The following ARMC9 variants were observed in gnomAD, a reference collection of about 807,000 sequenced individuals.
The protein encoded by ARMC9 is lisH domain-containing protein ARMC9.
Under a neutral mutation model 107.0 loss-of-function variants are expected in ARMC9, and 94 were observed. That is an observed-to-expected ratio of 0.88 (90% CI 0.74 to 1.04). The LOEUF (loss-of-function observed/expected upper bound fraction) is 1.04, where lower values mean the gene tolerates loss of function less well. Among genes scored for constraint, ARMC9 ranks in the 50% least tolerant of loss-of-function variants. The pLI, the probability that ARMC9 is intolerant of heterozygous loss-of-function variation, is 0.00. For synonymous variants in ARMC9, 380 were observed against 396.9 expected (o/e 0.96, Z 0.51); for missense variants, 942 against 1,030.1 (o/e 0.91, Z 1.17).
intron 20 of ARMC9, among the ~76,000 whole-genome samples, chr2:231,340,699 C>T (rs2044443093): frequency 6.6e-6 from 1 of 152,030 alleles, no homozygotes; most frequent in African/African-American, 2.4e-5. Context: ...CCAGCCTGGC[C>T]AGCATAGTGA....
chr2:231,241,237 G>A (rs1265404844), intron 9 of ARMC9, among the ~76,000 whole-genome samples: 1 of 151,616 alleles, frequency 6.6e-6, no homozygotes, highest in Non-Finnish European at 1.5e-5. Flanking sequence ...CTCCTTTTGT[G>A]TTTGATATTT....
intron 9 of ARMC9, among the ~76,000 whole-genome samples, chr2:231,247,316 G>C (rs936454346): frequency 2.6e-5 from 4 of 152,298 alleles, no homozygotes; most frequent in South Asian, 4.1e-4. Context: ...AGCATTAAAT[G>C]TAAAAAGACC....
intron 2 of ARMC9, among the ~76,000 whole-genome samples, 167 bp from the exon 3 acceptor site, chr2:231,207,944 ATTAGGTCTCTGTGGTT>A (rs1254727286): frequency 6.6e-6 from 1 of 152,096 alleles, no homozygotes; most frequent in African/African-American, 2.4e-5. Context: ...GTGTGAGGTA[ATTAGGTCTCTGTGGTT>A]TTGATTTGCA....
intron 19 of ARMC9, among the ~76,000 whole-genome samples, chr2:231,321,145 T>C (rs1559458437): frequency 1.3e-5 from 2 of 152,246 alleles, no homozygotes; most frequent in African/African-American, 4.8e-5. Context: ...AAACAATCCA[T>C]GTCAAGTGCC....
At chr2:231,270,897 A>C in intron 12 of ARMC9, 85 bp from the exon 13 acceptor site, 59 of 1,106,186 alleles carry the variant, frequency 5.3e-5, no homozygotes, top group Non-Finnish European at 6.9e-5. Context: ...AGGCAGAGGA[A>C]GAGAACTACC....
In ARMC9 at chr2:231,373,190, C is replaced by A. The variant is rs2046092782; in HGVS notation, c.*1655C>A. 6.6e-6 allele frequency: 1 copy of A among 152,262 alleles called. No homozygotes were observed. Among genetic ancestry groups the A allele is most frequent in the Non-Finnish European group, 1.5e-5 (1 of 68,082 alleles). 9.4% of individuals were successfully genotyped at this position (152,262 alleles called of 1,614,324 possible). ...GACCCGGAGGCATTGGGAGCAAACA[C>A]AAAGCTCGCCCCTGGTGTCAGTGGT... is the stretch of plus-strand genomic sequence containing the variant. On this transcript the variant is annotated 3_prime_UTR_variant, in exon 25 of 25. Transcript: ENST00000611582. This position sits in a 1 kb window ranked among gnomAD's most constrained non-coding sequence, Gnocchi z 4.4.
chr2:231,226,252 A>C (rs894232907), intron 6 of ARMC9, among the ~76,000 whole-genome samples: 3 of 152,260 alleles, frequency 2.0e-5, no homozygotes, highest in Non-Finnish European at 2.9e-5. Flanking sequence ...AGGGAAAAGA[A>C]ACATGTTAAG....
chr2:231,282,058 G>T lies in ARMC9; in HGVS notation c.1552-1G>T, dbSNP rs764213933. The stretch of plus-strand genomic sequence containing the variant: ...AACTGGTTTTTTTCCTCCCCTTAAA[G>T]ATACAGCCGTATGTGAATGGAGCTC... On this transcript the variant is annotated splice_acceptor_variant, in intron 16 of 24. Coordinates refer to ENST00000611582, the MANE Select transcript of ARMC9 (RefSeq NM_001352754.2). LOFTEE classifies it high-confidence loss of function. 5.0e-6 allele frequency: 8 copies of T among 1,613,916 alleles called. No homozygotes were observed. Among genetic ancestry groups the T allele is most frequent in the African/African-American group, 1.3e-5 (1 of 74,904 alleles).
chr2:231,200,981 G>A (rs1030748416), intron 1 of ARMC9, among the ~76,000 whole-genome samples: 1 of 152,180 alleles, frequency 6.6e-6, no homozygotes, highest in Non-Finnish European at 1.5e-5. Flanking sequence ...TCAACCACAG[G>A]CTTAGGATCC....
At chr2:231,273,410 C>T (rs935702306) in intron 14 of ARMC9, among the ~76,000 whole-genome samples, 1 of 152,204 alleles carries the variant, frequency 6.6e-6, no homozygotes, top group Non-Finnish European at 1.5e-5. Context: ...CCTCAAGTTA[C>T]TTCCAGTCCC....
rs896279481 is a variant in ARMC9 at position 231,255,843 on chromosome 2, C to G, written c.880-743C>G. On this transcript the variant is annotated intron_variant, in intron 9 of 24. Coordinates refer to ENST00000611582, the MANE Select transcript of ARMC9 (RefSeq NM_001352754.2). This position sits in a 1 kb window ranked among gnomAD's most constrained non-coding sequence, Gnocchi z 4.7. ...ACGAGGTCAGGAGATTGAGACCATC[C>G]TGGCTAACACGGTGAAACCCCGTTT... Among the ~76,000 whole-genome samples, 2 of 152,146 alleles carry G rather than the reference C, an allele frequency of 1.3e-5. No homozygotes were observed. The highest frequency in any genetic ancestry group is 1.3e-4 in the Admixed American group (2 of 15,276).
chr2:231,311,643 G>A lies in ARMC9; in HGVS notation c.1773+15390G>A, dbSNP rs148799709. Among the ~76,000 whole-genome samples, 853 of 151,966 alleles carry A rather than the reference G, an allele frequency of 5.6e-3. 13 individuals are homozygous for A. Among genetic ancestry groups the A allele is most frequent in the African/African-American group, 0.019 (807 of 41,434 alleles). ...AAATTAGCCAGGTGTGGTGGCATGC[G>A]CCTGTAATCTCAGCTACCCTGGAGG... On this transcript the variant is annotated intron_variant, in intron 19 of 24. Transcript: ENST00000611582.
intron 3 of ARMC9, among the ~76,000 whole-genome samples, chr2:231,211,931 A>G (rs976761966): frequency 2.6e-5 from 4 of 152,214 alleles, no homozygotes; most frequent in South Asian, 4.1e-4. Flanking sequence ...CTGCTCATCC[A>G]GTCAACAGCT....
intron 7 of ARMC9, among the ~76,000 whole-genome samples, chr2:231,230,315 C>T (rs923015560): frequency 6.6e-6 from 1 of 151,438 alleles, no homozygotes; most frequent in African/African-American, 2.4e-5. Flanking sequence ...ATGATCGCAC[C>T]ACTGCACTAG....
intron 7 of ARMC9, among the ~76,000 whole-genome samples, chr2:231,234,467 G>A (rs1416866307): frequency 6.6e-6 from 1 of 152,134 alleles, no homozygotes; most frequent in East Asian, 1.9e-4. Context: ...GAGTCAAGCA[G>A]CCCAAAGTTT....
chr2:231,208,523 G>A (rs764084616), intron 3 of ARMC9, among the ~76,000 whole-genome samples: 19 of 152,218 alleles, frequency 1.2e-4, no homozygotes, highest in Admixed American at 2.6e-4. Context: ...TGAGACAATT[G>A]TAGCCTTCCT....
intron 9 of ARMC9, among the ~76,000 whole-genome samples, chr2:231,247,838 C>T (rs566857108): frequency 6.6e-6 from 1 of 152,184 alleles, no homozygotes; most frequent in East Asian, 1.9e-4. Context: ...GACTGAGGCA[C>T]GAGAATCACT....
chr2:231,326,756 C>G (rs2043346911), intron 19 of ARMC9, among the ~76,000 whole-genome samples: 1 of 152,172 alleles, frequency 6.6e-6, no homozygotes, highest in Admixed American at 6.5e-5. Flanking sequence ...CTGACTGGGG[C>G]AAATCAAACT....
intron 10 of ARMC9, 68 bp from the exon 11 acceptor site, chr2:231,258,923 G>T: frequency 7.3e-7 from 1 of 1,373,418 alleles, no homozygotes; most frequent in Non-Finnish European, 1.0e-6. Flanking sequence ...GTGTCATAAT[G>T]CTCAGGAGGT....
Sources: gnomAD v4.1 joint callset for allele counts (sites outside exome capture counted in the v4.1 genomes callset) on GRCh38, gnomAD v4.1.1 for gene constraint, Gnocchi (gnomAD v3.1) non-coding constraint, MANE v1.5 for transcripts, NCBI Gene and HGNC (gene_info 2026-07-23, HGNC 2026-07-21) for gene names.